SLC25A21: variants seen among roughly 807,000 people sequenced by gnomAD.
SLC25A21 encodes the protein solute carrier family 25 member 21.
SLC25A21 carries 47 observed loss-of-function variants against 43.8 expected under a neutral mutation model. The observed-to-expected ratio is 1.07, with a 90% CI of 0.85 to 1.37. SLC25A21 has a LOEUF of 1.37. Ranked by LOEUF, SLC25A21 falls within the 40% of genes most tolerant of loss-of-function variation. The probability of loss-of-function intolerance (pLI) is 0.00; values close to 1 mark genes in which losing one functional copy is unlikely to be tolerated. For missense variants in SLC25A21, 352 were observed against 350.2 expected, an observed-to-expected ratio of 1.00 and a Z score of -0.04; for synonymous variants, 131 against 121.3, an observed-to-expected ratio of 1.08 and a Z score of -0.52.
chr14:36,825,571 T>C (rs547952030), intron 2 of SLC25A21, among the ~76,000 whole-genome samples: 2 of 152,316 alleles, frequency 1.3e-5, no homozygotes, highest in Non-Finnish European at 1.5e-5. Flanking sequence ...CTTTGCTGGG[T>C]TGCAAAAACA....
At chr14:36,831,780 TCAGAATGAAGATGTCATGC>T in intron 2 of SLC25A21, among the ~76,000 whole-genome samples, 1 of 152,310 alleles carries the variant, frequency 6.6e-6, no homozygotes, top group East Asian at 1.9e-4. Flanking sequence ...GCATCGAACC[TCAGAATGAAGATGTCATGC>T]CTACAAATCT....
chr14:36,907,622 T>C (rs752502786), intron 1 of SLC25A21, among the ~76,000 whole-genome samples: 4 of 152,112 alleles, frequency 2.6e-5, no homozygotes, highest in Non-Finnish European at 4.4e-5. Context: ...AAATAACCAA[T>C]AGGCGTTTTT....
At chr14:36,948,729 T>A (rs189963664) in intron 1 of SLC25A21, among the ~76,000 whole-genome samples, 3 of 152,216 alleles carry the variant, frequency 2.0e-5, no homozygotes. Context: ...TGAAATGTGT[T>A]GTAGATATAA....
At chr14:36,724,084 C>T (rs976899909) in intron 6 of SLC25A21, among the ~76,000 whole-genome samples, 2 of 152,164 alleles carry the variant, frequency 1.3e-5, no homozygotes, top group Admixed American at 6.6e-5. Context: ...CTTTTCCCCT[C>T]CCCCTGTTCC....
At chr14:37,063,206 G>A (rs142597881) in intron 1 of SLC25A21, among the ~76,000 whole-genome samples, 138 of 152,176 alleles carry the variant, frequency 9.1e-4, no homozygotes, top group Middle Eastern at 3.4e-3. Flanking sequence ...TACAATTCAA[G>A]ATGAGATTTG....
chr14:36,890,159 T>C (rs193192924), intron 1 of SLC25A21, among the ~76,000 whole-genome samples: 104 of 152,228 alleles, frequency 6.8e-4, no homozygotes, highest in African/African-American at 2.4e-3. Flanking sequence ...TATGAAATAG[T>C]CTTCTGCAGG....
chr14:37,104,678 T>C (rs1423730144), intron 1 of SLC25A21, among the ~76,000 whole-genome samples: 2 of 152,278 alleles, frequency 1.3e-5, no homozygotes, highest in Non-Finnish European at 2.9e-5. Flanking sequence ...TAGGAAAGTA[T>C]TTTTGGTCCT....
intron 1 of SLC25A21, among the ~76,000 whole-genome samples, chr14:36,929,831 C>A (rs927385298): frequency 1.3e-5 from 2 of 152,136 alleles, no homozygotes; most frequent in Non-Finnish European, 2.9e-5. Context: ...TATCCTTTCA[C>A]CCTGATGAAT....
chr14:36,888,586 C>T (rs968818150), intron 1 of SLC25A21, among the ~76,000 whole-genome samples: 1 of 151,868 alleles, frequency 6.6e-6, no homozygotes, highest in Admixed American at 6.6e-5. Context: ...TGTAATGTGT[C>T]CATGTGTGTG....
At chr14:36,750,148 C>A (rs370425823) in intron 3 of SLC25A21, among the ~76,000 whole-genome samples, 1 of 152,188 alleles carries the variant, frequency 6.6e-6, no homozygotes, top group Non-Finnish European at 1.5e-5. Context: ...AACAGAAAAT[C>A]GTATCTGGCA....
chr14:36,934,732 G>C (rs1231246650), intron 1 of SLC25A21, among the ~76,000 whole-genome samples: 3 of 152,100 alleles, frequency 2.0e-5, no homozygotes, highest in Non-Finnish European at 4.4e-5. Flanking sequence ...GAGAGAGAGA[G>C]AGAGAGAGAA....
At chr14:36,729,754 A>T (rs1884747904) in intron 4 of SLC25A21, among the ~76,000 whole-genome samples, 188 bp from the exon 5 acceptor site, 1 of 152,208 alleles carries the variant, frequency 6.6e-6, no homozygotes, top group Non-Finnish European at 1.5e-5. Context: ...TCACAGTTTC[A>T]AATGCAGTTA....
chr14:36,776,908 T>G (rs901505280), intron 3 of SLC25A21, among the ~76,000 whole-genome samples: 2 of 152,206 alleles, frequency 1.3e-5, no homozygotes, highest in Non-Finnish European at 2.9e-5. Flanking sequence ...CTACTGACCT[T>G]GTTGGCTCAT....
chr14:37,121,091 G>A (rs1963199391), intron 1 of SLC25A21, among the ~76,000 whole-genome samples: 2 of 152,160 alleles, frequency 1.3e-5, no homozygotes, highest in Admixed American at 6.5e-5. Flanking sequence ...AGGGCAAACT[G>A]AAAGTGATCA....
intron 1 of SLC25A21, among the ~76,000 whole-genome samples, chr14:36,950,326 G>A (rs1293782026): frequency 1.3e-5 from 2 of 152,108 alleles, no homozygotes; most frequent in Non-Finnish European, 2.9e-5. Context: ...TTTGGAGATA[G>A]GGCTGTTAAG....
intron 1 of SLC25A21, among the ~76,000 whole-genome samples, chr14:37,046,220 C>T (rs545538988): frequency 2.0e-4 from 31 of 152,272 alleles, no homozygotes; most frequent in African/African-American, 6.3e-4. Flanking sequence ...TCTTTGCCGA[C>T]GCTCTCAAGC....
At chr14:37,076,473 T>A (rs1370890556) in intron 1 of SLC25A21, among the ~76,000 whole-genome samples, 11 of 149,758 alleles carry the variant, frequency 7.3e-5, no homozygotes, top group Non-Finnish European at 8.9e-5. Flanking sequence ...GCACCCAGCC[T>A]ATAAGACTTT....
At chr14:36,740,372 G>A (rs1885204662) in intron 3 of SLC25A21, among the ~76,000 whole-genome samples, 1 of 152,050 alleles carries the variant, frequency 6.6e-6, no homozygotes, top group Non-Finnish European at 1.5e-5. Flanking sequence ...TGAGGAGGGG[G>A]TACCAGGACT....
chr14:36,832,760 T>C (rs574698103), intron 2 of SLC25A21, among the ~76,000 whole-genome samples: 3 of 152,338 alleles, frequency 2.0e-5, no homozygotes, highest in African/African-American at 7.2e-5. Flanking sequence ...TTAAACACTA[T>C]AAATGACTGT....
Sources: allele counts gnomAD v4.1 joint callset (sites outside exome capture counted in the v4.1 genomes callset), GRCh38; gene constraint gnomAD v4.1.1; transcripts MANE v1.5; gene names NCBI Gene and HGNC (gene_info 2026-07-23, HGNC 2026-07-21).